Variants in RASGRF2 observed in about 807,000 individuals in gnomAD.
RASGRF2 encodes ras-specific guanine nucleotide-releasing factor 2.
A neutral mutation model predicts 151.0 loss-of-function variants in RASGRF2; 76 were observed. The observed-to-expected ratio is 0.50, with a 90% CI of 0.42 to 0.61. RASGRF2 has a LOEUF of 0.61. Among genes scored for constraint, RASGRF2 ranks in the 20% least tolerant of loss-of-function variants. RASGRF2 has a pLI of 0.00. For missense variants in RASGRF2, 1,148 were observed against 1,564.6 expected, an observed-to-expected ratio of 0.73 and a Z score of 4.49; for synonymous variants, 504 against 566.5, an observed-to-expected ratio of 0.89 and a Z score of 1.57.
At position 80,994,166 on chromosome 5, in the gene RASGRF2, C is replaced by T. The variant is rs981173475; in HGVS notation, c.288+33140C>T. Among the ~76,000 whole-genome samples the T allele has an allele frequency of 3.0e-4, 46 of 151,992 alleles. 1 individual carries two copies. Among genetic ancestry groups the T allele is most frequent in the African/African-American group, 9.6e-4 (40 of 41,468 alleles). On this transcript the variant is annotated intron_variant, in intron 1 of 26. Coordinates refer to ENST00000265080, the MANE Select transcript of RASGRF2 (RefSeq NM_006909.3). ...GGATCACGAGGTCAGGAGATCGAGA[C>T]CATCCTGGCTAACACGGTGAAACCC...
intron 1 of RASGRF2, among the ~76,000 whole-genome samples, chr5:81,011,680 G>A (rs111728396): frequency 0.012 from 1,832 of 151,898 alleles, 44 homozygotes; most frequent in African/African-American, 0.042. Flanking sequence ...GGCGGAGGTT[G>A]CCATGAGCTG....
chr5:81,080,094 AT>A (rs1457910471), intron 5 of RASGRF2, 26 bp from the exon 6 acceptor site: 7 of 1,590,308 alleles, frequency 4.4e-6, no homozygotes, highest in Non-Finnish European at 6.0e-6. Context: ...TAGCAACTAA[AT>A]TATATTATTT....
At chr5:81,158,410 T>C (rs1754310433) in intron 17 of RASGRF2, among the ~76,000 whole-genome samples, 1 of 152,130 alleles carries the variant, frequency 6.6e-6, no homozygotes, top group African/African-American at 2.4e-5. Context: ...ATTTTTTACA[T>C]ACAACACCAA....
At chr5:81,091,306 CA>C (rs1752382121) in intron 9 of RASGRF2, among the ~76,000 whole-genome samples, 1 of 152,194 alleles carries the variant, frequency 6.6e-6, no homozygotes, top group Non-Finnish European at 1.5e-5. Flanking sequence ...TACTCTATGT[CA>C]TTCCTTGCTG....
chr5:81,163,937 G>A (rs62364960), intron 17 of RASGRF2, among the ~76,000 whole-genome samples: 57 of 152,286 alleles, frequency 3.7e-4, no homozygotes, highest in Non-Finnish European at 6.6e-4. Context: ...TGTTAAATGT[G>A]TTAATATGTG....
chr5:81,046,294 C>A (rs1750834230), intron 2 of RASGRF2, among the ~76,000 whole-genome samples: 2 of 152,056 alleles, frequency 1.3e-5, no homozygotes, highest in Admixed American at 1.3e-4. Flanking sequence ...TATCTCAGAG[C>A]AGAATCTACT....
intron 1 of RASGRF2, among the ~76,000 whole-genome samples, chr5:81,001,287 T>C (rs886990404): frequency 1.3e-5 from 2 of 152,176 alleles, no homozygotes; most frequent in African/African-American, 4.8e-5. Context: ...AAGGATAAGG[T>C]ACTAGGAGCT....
At chr5:81,105,275 G>C (rs1160483730) in intron 12 of RASGRF2, among the ~76,000 whole-genome samples, 1 of 152,072 alleles carries the variant, frequency 6.6e-6, no homozygotes, top group Non-Finnish European at 1.5e-5. Context: ...CCCAATTCCT[G>C]TATTCCCCAG....
intron 17 of RASGRF2, among the ~76,000 whole-genome samples, chr5:81,163,346 G>T (rs1317469640): frequency 2.0e-5 from 3 of 152,082 alleles, no homozygotes; most frequent in East Asian, 3.9e-4. Context: ...AGAGAGGAAC[G>T]CTTCTCTGTC....
intron 20 of RASGRF2, 31 bp downstream of exon 20, chr5:81,206,936 A>G (rs372723977): frequency 3.6e-5 from 54 of 1,516,200 alleles, no homozygotes; most frequent in Middle Eastern, 3.4e-4. Context: ...ATCTAGCACA[A>G]CTATGTGCAA....
chr5:80,965,045 G>A (rs1209469844), intron 1 of RASGRF2, among the ~76,000 whole-genome samples: 1 of 152,020 alleles, frequency 6.6e-6, no homozygotes, highest in African/African-American at 2.4e-5. Context: ...CGCTCTGGAG[G>A]TTTAAAGAAG....
chr5:81,035,514 T>C (rs1750456012), intron 1 of RASGRF2, among the ~76,000 whole-genome samples: 1 of 151,916 alleles, frequency 6.6e-6, no homozygotes, highest in African/African-American at 2.4e-5. Flanking sequence ...CTAATGTAAA[T>C]GACAAGTTAA....
At chr5:81,025,262 C>T (rs945702824) in intron 1 of RASGRF2, among the ~76,000 whole-genome samples, 1 of 152,236 alleles carries the variant, frequency 6.6e-6, no homozygotes, top group Non-Finnish European at 1.5e-5. Context: ...AGGAAACACT[C>T]CCTTTCTACT....
intron 2 of RASGRF2, among the ~76,000 whole-genome samples, chr5:81,050,919 A>G (rs1750989982): frequency 6.6e-6 from 1 of 152,130 alleles, no homozygotes; most frequent in Non-Finnish European, 1.5e-5. Flanking sequence ...TACTGATTTA[A>G]TCTCCCTCCA....
In RASGRF2 at chr5:81,016,969, C is replaced by T. The variant is rs16878320; in HGVS notation, c.289-25908C>T. The stretch of plus-strand genomic sequence containing the variant: ...ACAAAAACAAAACAACTAACAACCA[C>T]CCCAACAAAGATAGTATGACCACAC... On this transcript the variant is annotated intron_variant, in intron 1 of 26. Transcript: ENST00000265080. Among the ~76,000 whole-genome samples, 904 of 152,286 alleles carry T rather than the reference C, an allele frequency of 5.9e-3. 5 individuals carry two copies. The highest frequency in any genetic ancestry group is 0.021 in the African/African-American group (884 of 41,554).
chr5:81,086,397 A>G (rs1752230074), intron 8 of RASGRF2, among the ~76,000 whole-genome samples: 1 of 152,208 alleles, frequency 6.6e-6, no homozygotes, highest in Non-Finnish European at 1.5e-5. Context: ...GTAAGAAGCT[A>G]GAGAATGTAC....
In RASGRF2 at chr5:80,960,571, C is replaced by A; in HGVS notation, c.-168C>A. On this transcript the variant is annotated 5_prime_UTR_variant, in exon 1 of 27. Transcript: ENST00000265080. This position sits in a 1 kb window ranked among gnomAD's most constrained non-coding sequence, Gnocchi z 5.5. ...AGCCCGCGCCCCTGCCACCGCGCGC[C>A]GCGGCCTCCCGAAAGCGGGCGGGGT... 1.8e-6 allele frequency: 1 copy of A among 545,772 alleles called. No individual in the cohort carries two copies. The highest frequency in any genetic ancestry group is 2.7e-6 in the Non-Finnish European group (1 of 372,876). 33.8% of individuals were successfully genotyped at this position (545,772 alleles called of 1,614,324 possible).
chr5:81,151,409 G>A (rs1754132058), intron 17 of RASGRF2, among the ~76,000 whole-genome samples: 1 of 147,622 alleles, frequency 6.8e-6, no homozygotes, highest in South Asian at 2.2e-4. Flanking sequence ...TTTTGAGATG[G>A]AGTCTCGCTC....
chr5:81,170,820 A>G (rs1435597414), intron 17 of RASGRF2, among the ~76,000 whole-genome samples: 2 of 152,182 alleles, frequency 1.3e-5, no homozygotes, highest in Admixed American at 1.3e-4. Flanking sequence ...AGTAGAACAT[A>G]GGTTCCTATG....
Sources: gnomAD v4.1 joint callset for allele counts (sites outside exome capture counted in the v4.1 genomes callset) on GRCh38, gnomAD v4.1.1 for gene constraint, Gnocchi (gnomAD v3.1) non-coding constraint, MANE v1.5 for transcripts, NCBI Gene and HGNC (gene_info 2026-07-23, HGNC 2026-07-21) for gene names.